Variants in CYP19A1 observed in about 807,000 individuals in gnomAD.
CYP19A1 encodes aromatase.
Under a neutral mutation model 44.4 loss-of-function variants are expected in CYP19A1, and 32 were observed. That is an observed-to-expected ratio of 0.72 (90% CI 0.54 to 0.97). The LOEUF (loss-of-function observed/expected upper bound fraction) is 0.97, where lower values mean the gene tolerates loss of function less well. Ranked by LOEUF, CYP19A1 falls within the 50% of genes least tolerant of loss-of-function variation. CYP19A1 has a pLI of 0.00. For synonymous variants in CYP19A1, 212 were observed against 215.6 expected, an observed-to-expected ratio of 0.98 and a Z score of 0.14; for missense variants, 598 against 637.8, an observed-to-expected ratio of 0.94 and a Z score of 0.67.
At chr15:51,277,803 C>T (rs2140965425) in intron 1 of CYP19A1, among the ~76,000 whole-genome samples, 1 of 152,054 alleles carries the variant, frequency 6.6e-6, no homozygotes, top group Non-Finnish European at 1.5e-5. Flanking sequence ...GAACTGTTTT[C>T]TGATCACAAA....
intron 1 of CYP19A1, among the ~76,000 whole-genome samples, chr15:51,298,762 C>T (rs1205521033): frequency 6.6e-6 from 1 of 152,232 alleles, no homozygotes; most frequent in Admixed American, 6.5e-5. Flanking sequence ...TTAAAAATAG[C>T]TCAACTGCTG....
intron 3 of CYP19A1, among the ~76,000 whole-genome samples, chr15:51,231,063 A>G (rs2032992173): frequency 6.6e-6 from 1 of 152,230 alleles, no homozygotes. Flanking sequence ...CAATCTTTAT[A>G]ACAGAGGAAT....
chr15:51,307,290 T>C (rs1010509754), intron 1 of CYP19A1, among the ~76,000 whole-genome samples: 1 of 152,180 alleles, frequency 6.6e-6, no homozygotes, highest in Non-Finnish European at 1.5e-5. Context: ...TGAACTACTA[T>C]ATACAGAAAA....
rs557520328 is a variant in CYP19A1 at position 51,324,904 on chromosome 15, A to G, written c.-39+13591T>C. ...CAATAACAAAATTCTGGGGTGTGTT[A>G]CAAATTAAAGTCAGAAGTAGATCTG... On this transcript the variant is annotated intron_variant, in intron 1 of 9. Coordinates refer to ENST00000396402, the MANE Select transcript of CYP19A1 (RefSeq NM_000103.4). 2.6e-5 allele frequency among the ~76,000 whole-genome samples: 4 copies of G among 152,362 alleles called. No homozygotes were observed. In the East Asian group the frequency reaches 7.7e-4, roughly 29 times the overall value.
intron 2 of CYP19A1, among the ~76,000 whole-genome samples, chr15:51,239,955 C>T (rs1384711925): frequency 6.6e-6 from 1 of 152,154 alleles, no homozygotes; most frequent in Non-Finnish European, 1.5e-5. Context: ...GGCTATACGT[C>T]CTGGGGGAAG....
At chr15:51,280,721 C>T (rs1812191044) in intron 1 of CYP19A1, among the ~76,000 whole-genome samples, 1 of 152,174 alleles carries the variant, frequency 6.6e-6, no homozygotes, top group African/African-American at 2.4e-5. Flanking sequence ...GCTTGGCTTA[C>T]AAATGTTCCA....
At chr15:51,296,543 G>A (rs751494835) in intron 1 of CYP19A1, among the ~76,000 whole-genome samples, 15 of 152,112 alleles carry the variant, frequency 9.9e-5, no homozygotes, top group African/African-American at 4.8e-5. Flanking sequence ...GTACATCCGC[G>A]GGAAACTCGC....
At chr15:51,324,262 A>G (rs1014076474) in intron 1 of CYP19A1, among the ~76,000 whole-genome samples, 1 of 152,266 alleles carries the variant, frequency 6.6e-6, no homozygotes, top group Non-Finnish European at 1.5e-5. Flanking sequence ...GGTCATTGCC[A>G]AAGATGAATA....
intron 1 of CYP19A1, chr15:51,322,095 G>A (rs760380424): frequency 6.6e-6 from 1 of 152,242 alleles, no homozygotes; most frequent in Non-Finnish European, 1.5e-5. Flanking sequence ...TTCCCGCCAC[G>A]GGCCATGGGT....
intron 3 of CYP19A1, among the ~76,000 whole-genome samples, chr15:51,231,505 T>C (rs2033030352): frequency 6.6e-6 from 1 of 152,088 alleles, no homozygotes; most frequent in Non-Finnish European, 1.5e-5. Context: ...TTGACCCTCT[T>C]CTTACTTTGT....
Position 51,210,820 on chromosome 15 carries a change from A to C in CYP19A1, c.1500T>G (p.Cys500Trp). ...MIFTPRNSDR[C>W]LEH ...TGACCAGCCTTCTCTAGTGTTCCAG[A>C]CACCTGTCTGAGTTTCTTGGGGTAA... The change falls in exon 10 of 10, where the codon TGT (cysteine) becomes TGG (tryptophan). Residue 500 changes from cysteine (C) to tryptophan (W), a missense_variant. Transcript: ENST00000396402. The C allele has an allele frequency of 6.3e-7, 1 of 1,591,860 alleles. No homozygotes were observed. Among genetic ancestry groups the C allele is most frequent in the Non-Finnish European group, 8.6e-7 (1 of 1,159,574 alleles).
chr15:51,211,857 C>T (rs1468078089), intron 9 of CYP19A1, among the ~76,000 whole-genome samples: 1 of 152,206 alleles, frequency 6.6e-6, no homozygotes, highest in African/African-American at 2.4e-5. Flanking sequence ...ACCTACTGCT[C>T]ATGGGGCCAT....
intron 5 of CYP19A1, 29 bp from the exon 6 acceptor site, chr15:51,218,684 A>G (rs1355749780): frequency 6.3e-7 from 1 of 1,595,434 alleles, no homozygotes; most frequent in Non-Finnish European, 8.5e-7. Context: ...CACATACACA[A>G]GAAAGAGCAG....
At chr15:51,287,678 G>A (rs866036115) in intron 1 of CYP19A1, among the ~76,000 whole-genome samples, 4 of 152,218 alleles carry the variant, frequency 2.6e-5, no homozygotes, top group Non-Finnish European at 2.9e-5. Context: ...CCTCCAACCA[G>A]TTGTTCAGTT....
intron 3 of CYP19A1, among the ~76,000 whole-genome samples, chr15:51,234,298 G>A (rs2033237048): frequency 6.6e-6 from 1 of 152,174 alleles, no homozygotes; most frequent in Non-Finnish European, 1.5e-5. Flanking sequence ...ACTCCAACAA[G>A]TGAAAAGCCT....
intron 5 of CYP19A1, chr15:51,221,502 C>T (rs2032076575): frequency 6.6e-6 from 1 of 152,094 alleles, no homozygotes; most frequent in Admixed American, 6.5e-5. Flanking sequence ...AGATACAAGT[C>T]CAGTGAATTC....
At chr15:51,220,252 C>T (rs1282405420) in intron 5 of CYP19A1, among the ~76,000 whole-genome samples, 1 of 152,216 alleles carries the variant, frequency 6.6e-6, no homozygotes, top group Admixed American at 6.5e-5. Flanking sequence ...GACATCTGTG[C>T]CCACACACAC....
At chr15:51,220,554 ATACT>A (rs1354366506) in intron 5 of CYP19A1, among the ~76,000 whole-genome samples, 2 of 152,266 alleles carry the variant, frequency 1.3e-5, no homozygotes, top group African/African-American at 2.4e-5. Flanking sequence ...TGAGTTGTAC[ATACT>A]TAATGCCAAC....
In CYP19A1 at chr15:51,210,173, C is replaced by CA; in HGVS notation, c.*634dup. ...GGCAAGTGGCTGAGGCATAAATCGA[C>CA]AGACTGGGAAAGAATTTCCTCTGAT... is the stretch of plus-strand genomic sequence containing the variant. On this transcript the variant is annotated 3_prime_UTR_variant, in exon 10 of 10. Coordinates refer to ENST00000396402, the MANE Select transcript of CYP19A1 (RefSeq NM_000103.4). The CA allele has an allele frequency of 2.8e-6, 1 of 357,684 alleles. No homozygotes were observed. The highest frequency in any genetic ancestry group is 2.1e-5 in the South Asian group (1 of 47,398). The allele number at this position is 357,684 out of a possible 1,614,324, so 22.2% of individuals were successfully genotyped here.
Sources: allele counts gnomAD v4.1 joint callset (sites outside exome capture counted in the v4.1 genomes callset), GRCh38; gene constraint gnomAD v4.1.1; transcripts MANE v1.5; gene names NCBI Gene and HGNC (gene_info 2026-07-23, HGNC 2026-07-21).